The following RBFOX1 variants were observed in gnomAD, a reference collection of about 807,000 sequenced individuals.
RBFOX1 encodes RNA binding protein fox-1 homolog 1.
A neutral mutation model predicts 57.7 loss-of-function variants in RBFOX1; 8 were observed. That is an observed-to-expected ratio of 0.14 (90% CI 0.08 to 0.25). RBFOX1 has a LOEUF of 0.25. Among genes scored for constraint, RBFOX1 ranks in the 10% least tolerant of loss-of-function variants. RBFOX1 has a pLI of 1.00. For missense variants in RBFOX1, 611 were observed against 548.5 expected, an observed-to-expected ratio of 1.11 and a Z score of -1.14; for synonymous variants, 326 against 222.4, an observed-to-expected ratio of 1.47 and a Z score of -4.15.
chr16:5,657,000 G>A (rs924572716), intron 3 of RBFOX1, among the ~76,000 whole-genome samples: 2 of 152,140 alleles, frequency 1.3e-5, no homozygotes, highest in Admixed American at 6.5e-5. Flanking sequence ...TTAAAACCTA[G>A]ATGATGGGTT....
At chr16:7,005,967 C>T (rs868804636) in intron 3 of RBFOX1, among the ~76,000 whole-genome samples, 15 of 152,152 alleles carry the variant, frequency 9.9e-5, no homozygotes, top group African/African-American at 3.6e-4. Flanking sequence ...AACCCCTACT[C>T]AGGATCACGT....
At chr16:6,887,993 T>C (rs2064517983) in intron 3 of RBFOX1, among the ~76,000 whole-genome samples, 1 of 152,028 alleles carries the variant, frequency 6.6e-6, no homozygotes, top group African/African-American at 2.4e-5. Flanking sequence ...TGCATCTTAT[T>C]CTGTTTGGGG....
intron 3 of RBFOX1, among the ~76,000 whole-genome samples, chr16:5,819,341 A>G (rs945059850): frequency 6.6e-6 from 1 of 152,156 alleles, no homozygotes; most frequent in Non-Finnish European, 1.5e-5. Flanking sequence ...CCACCTCCCA[A>G]GGGGCCTCAC....
chr16:7,399,565 C>G (rs924620164), intron 4 of RBFOX1, among the ~76,000 whole-genome samples: 3 of 152,158 alleles, frequency 2.0e-5, no homozygotes, highest in Non-Finnish European at 4.4e-5. Context: ...CTCTTTTAGC[C>G]TCTGGTGGTG....
chr16:7,620,594 C>G (rs957269267), intron 10 of RBFOX1, among the ~76,000 whole-genome samples: 2 of 152,318 alleles, frequency 1.3e-5, no homozygotes, highest in African/African-American at 4.8e-5. Flanking sequence ...GAGGTTCTAG[C>G]TAACATCTTT....
At chr16:7,031,177 A>G (rs759609220) in intron 3 of RBFOX1, among the ~76,000 whole-genome samples, 16 of 152,178 alleles carry the variant, frequency 1.1e-4, no homozygotes, top group Non-Finnish European at 1.9e-4. Context: ...AGAGTCAGCA[A>G]TGCCTTACAG....
At chr16:6,767,963 AAG>A (rs1361696750) in intron 3 of RBFOX1, among the ~76,000 whole-genome samples, 6 of 121,962 alleles carry the variant, frequency 4.9e-5, no homozygotes, top group South Asian at 2.6e-4. Context: ...GAAGAAGAAG[AAG>A]AAGAAGAAGA....
chr16:5,505,625 C>T (rs772234440), intron 2 of RBFOX1, among the ~76,000 whole-genome samples: 1 of 152,160 alleles, frequency 6.6e-6, no homozygotes, highest in Non-Finnish European at 1.5e-5. Flanking sequence ...ACTGTCTTCC[C>T]TGGGTGAGTG....
At chr16:7,234,260 C>G (rs1248370333) in intron 4 of RBFOX1, among the ~76,000 whole-genome samples, 3 of 152,024 alleles carry the variant, frequency 2.0e-5, no homozygotes, top group East Asian at 3.9e-4. Context: ...AATGAATAAC[C>G]CCACTGGAAG....
At chr16:7,489,918 A>C (rs142086869) in intron 4 of RBFOX1, among the ~76,000 whole-genome samples, 1 of 152,140 alleles carries the variant, frequency 6.6e-6, no homozygotes, top group East Asian at 1.9e-4. Context: ...TTAAAAGTTA[A>C]GGTGAATTTT....
chr16:5,727,271 C>CAA (rs141061274), intron 3 of RBFOX1, among the ~76,000 whole-genome samples: 202 of 150,106 alleles, frequency 1.3e-3, no homozygotes, highest in African/African-American at 4.7e-3. Context: ...GACTTTGTCT[C>CAA]AAAAAAAAAT....
At chr16:5,560,711 C>T (rs59276080) in intron 2 of RBFOX1, among the ~76,000 whole-genome samples, 7,469 of 152,226 alleles carry the variant, frequency 0.049, 429 homozygotes, top group African/African-American at 0.14. Context: ...TTTTTCTTAA[C>T]CTACCAAAGT....
At chr16:5,690,382 C>T (rs2050636838) in intron 3 of RBFOX1, among the ~76,000 whole-genome samples, 1 of 152,212 alleles carries the variant, frequency 6.6e-6, no homozygotes, top group Admixed American at 6.5e-5. Context: ...GGGCCACCGT[C>T]TACCCATATC....
At chr16:7,680,203 T>G (rs1568425566) in intron 14 of RBFOX1, among the ~76,000 whole-genome samples, 1 of 152,188 alleles carries the variant, frequency 6.6e-6, no homozygotes, top group Non-Finnish European at 1.5e-5. Context: ...CTTCTCTTTA[T>G]TGATTGGCTC....
chr16:6,556,308 C>G (rs568653135), intron 2 of RBFOX1, among the ~76,000 whole-genome samples: 1 of 152,244 alleles, frequency 6.6e-6, no homozygotes, highest in South Asian at 2.1e-4. Flanking sequence ...ACTAAAGGTT[C>G]ATTTGTTCTT....
chr16:7,110,187 C>CA (rs59148096), intron 4 of RBFOX1, among the ~76,000 whole-genome samples: 33,264 of 134,332 alleles, frequency 0.25, 4,265 homozygotes, highest in East Asian at 0.44. Flanking sequence ...CCCCGTGTCT[C>CA]AAAAAAAAAA....
chr16:5,475,519 G>C (rs989602338), intron 2 of RBFOX1, among the ~76,000 whole-genome samples: 13 of 152,192 alleles, frequency 8.5e-5, no homozygotes, highest in African/African-American at 2.9e-4. Flanking sequence ...AACTATAATT[G>C]GGACCTTCAG....
intron 3 of RBFOX1, among the ~76,000 whole-genome samples, chr16:5,707,659 G>A (rs1001754080): frequency 2.6e-5 from 4 of 152,192 alleles, no homozygotes; most frequent in Non-Finnish European, 5.9e-5. Flanking sequence ...AGGTTTGCTG[G>A]TGTTGCATCC....
Position 7,677,367 on chromosome 16 carries a change from A to T in RBFOX1, c.995+529A>T, listed in dbSNP as rs149763852. ...GAGAGTGTCCCTGGCATTCATAAGG[A>T]GATTGATTCTTTCTAGCAATGCCCA... On this transcript the variant is annotated intron_variant, in intron 14 of 15. Coordinates refer to ENST00000550418, the MANE Select transcript of RBFOX1 (RefSeq NM_018723.4). Among the ~76,000 whole-genome samples, 1,385 of 152,254 alleles carry T rather than the reference A, an allele frequency of 9.1e-3. 14 individuals are homozygous for T. The highest frequency in any genetic ancestry group is 0.021 in the Middle Eastern group (6 of 292).
Sources: gnomAD v4.1 joint callset for allele counts (sites outside exome capture counted in the v4.1 genomes callset) on GRCh38, gnomAD v4.1.1 for gene constraint, MANE v1.5 for transcripts, NCBI Gene and HGNC (gene_info 2026-07-23, HGNC 2026-07-21) for gene names.